The following ANK3 variants were observed in gnomAD, a reference collection of about 807,000 sequenced individuals.
ANK3 encodes the protein ankyrin 3, also known as ankyrin-3.
ANK3 carries 57 observed loss-of-function variants against 370.9 expected under a neutral mutation model. The ratio of observed to expected loss-of-function variants is 0.15; its 90% CI spans 0.12 to 0.19. The LOEUF is 0.19. Among genes scored for constraint, ANK3 ranks in the 10% least tolerant of loss-of-function variants. ANK3 has a pLI of 1.00. For missense variants in ANK3, 4,439 were observed against 5,302.1 expected (o/e 0.84, Z 5.06); for synonymous variants, 1,929 against 1,946.3 (o/e 0.99, Z 0.23).
intron 1 of ANK3, among the ~76,000 whole-genome samples, chr10:60,385,210 T>C (rs2062086502): frequency 1.3e-5 from 2 of 152,060 alleles, no homozygotes; most frequent in Admixed American, 6.6e-5. Flanking sequence ...TCCCCTTTGC[T>C]CCAGGAATTC....
chr10:60,372,505 T>C (rs2060236135), intron 1 of ANK3, among the ~76,000 whole-genome samples: 1 of 152,168 alleles, frequency 6.6e-6, no homozygotes, highest in African/African-American at 2.4e-5. Context: ...AGCTGGCATA[T>C]GGGTGGCCAT....
rs571054940 is a variant in ANK3, at chr10:60,211,438, T to C, written c.996+1974A>G. Among the ~76,000 whole-genome samples the C allele has an allele frequency of 1.4e-4, 21 of 152,188 alleles. No homozygotes were observed. In the East Asian group the frequency reaches 3.9e-3, roughly 28 times the overall value. On this transcript the variant is annotated intron_variant, in intron 9 of 43. Coordinates refer to ENST00000280772, the MANE Select transcript of ANK3 (RefSeq NM_020987.5). The stretch of plus-strand genomic sequence containing the variant: ...GTTCAAATCCTTGTTCTGCCACTAA[T>C]TGGGATATTTTGAGAAAGCTACTTT...
intron 23 of ANK3, chr10:60,139,945 G>C (rs948365379): frequency 1.5e-4 from 29 of 193,178 alleles, no homozygotes; most frequent in Non-Finnish European, 2.2e-4. Flanking sequence ...GGTAGCACAG[G>C]CTGCAGAAAA....
intron 1 of ANK3, among the ~76,000 whole-genome samples, chr10:60,290,468 CAGAAG>C (rs1198173831): frequency 6.6e-6 from 1 of 151,952 alleles, no homozygotes; most frequent in African/African-American, 2.4e-5. Context: ...ATAAATCAGC[CAGAAG>C]AGGAGTAGAG....
At chr10:60,252,519 T>C (rs2097684115) in intron 7 of ANK3, among the ~76,000 whole-genome samples, 1 of 152,146 alleles carries the variant, frequency 6.6e-6, no homozygotes, top group Non-Finnish European at 1.5e-5. Flanking sequence ...AATTTCAAAA[T>C]AGGATTTTTT....
chr10:60,221,003 A>T (rs905191110), intron 8 of ANK3, among the ~76,000 whole-genome samples: 1 of 152,122 alleles, frequency 6.6e-6, no homozygotes, highest in African/African-American at 2.4e-5. Flanking sequence ...CTAAGAGCAA[A>T]ATCTATCTCA....
At chr10:60,194,773 G>C (rs1464518054) in intron 16 of ANK3, among the ~76,000 whole-genome samples, 1 of 152,094 alleles carries the variant, frequency 6.6e-6, no homozygotes, top group Non-Finnish European at 1.5e-5. Flanking sequence ...TGTTTGTCAG[G>C]GTCAGAAACT....
intron 2 of ANK3, among the ~76,000 whole-genome samples, chr10:60,500,903 T>C (rs1400498761): frequency 6.6e-6 from 1 of 152,228 alleles, no homozygotes; most frequent in East Asian, 1.9e-4. Context: ...TTGATTGTGG[T>C]AATTATATCC....
rs192953138 is a variant in ANK3 at position 60,052,808 on chromosome 10, G to A, written c.13065+2850C>T. ...CAGAGACAGAATTTAGTTAACATCC[G>A]CTGGAAAAATGAATTCCAGTATTTG... On this transcript the variant is annotated intron_variant, in intron 42 of 43. Coordinates refer to ENST00000280772, the MANE Select transcript of ANK3 (RefSeq NM_020987.5). Among the ~76,000 whole-genome samples the A allele has an allele frequency of 9.9e-5, 15 of 151,180 alleles. No individual in the cohort carries two copies. The East Asian group carries it at 2.8e-3, about 28-fold the overall frequency.
intron 25 of ANK3, among the ~76,000 whole-genome samples, chr10:60,119,084 A>G (rs2093306512): frequency 6.6e-6 from 1 of 152,236 alleles, no homozygotes; most frequent in South Asian, 2.1e-4. Flanking sequence ...TGTCCCAGAT[A>G]GTAACACTTA....
chr10:60,656,670 G>C (rs1382317553), intron 1 of ANK3, among the ~76,000 whole-genome samples: 1 of 152,018 alleles, frequency 6.6e-6, no homozygotes, highest in Non-Finnish European at 1.5e-5. Context: ...TTTTCTGTAA[G>C]CACTGCTTCA....
chr10:60,219,760 C>T (rs1463583860), intron 8 of ANK3, among the ~76,000 whole-genome samples: 3 of 152,108 alleles, frequency 2.0e-5, no homozygotes, highest in African/African-American at 4.8e-5. Flanking sequence ...TGATTCAATA[C>T]GTTCATGTAA....
intron 1 of ANK3, among the ~76,000 whole-genome samples, chr10:60,358,764 C>A (rs2058168544): frequency 6.6e-6 from 1 of 152,182 alleles, no homozygotes; most frequent in South Asian, 2.1e-4. Flanking sequence ...CACTGGCCAC[C>A]TTTCTGAGCC....
In ANK3 at chr10:60,637,986, G is replaced by C. The variant is rs113807489; in HGVS notation, c.58-22762C>G. Among the ~76,000 whole-genome samples the C allele has an allele frequency of 4.2e-3, 646 of 152,256 alleles. 1 individual carries two copies. Among genetic ancestry groups the C allele is most frequent in the African/African-American group, 0.015 (607 of 41,560 alleles). On this transcript the variant is annotated intron_variant, in intron 1 of 43. Transcript: ENST00000373827. ...CAATAGGTTGGCCCCAACTTTCTGAGAGCCAGTTTCAAGCCACAGTGCTGG... is the reference window on the plus strand; with the variant it reads ...CAATAGGTTGGCCCCAACTTTCTGACAGCCAGTTTCAAGCCACAGTGCTGG...
At chr10:60,425,405 T>C (rs2063864268) in intron 2 of ANK3, among the ~76,000 whole-genome samples, 1 of 152,172 alleles carries the variant, frequency 6.6e-6, no homozygotes, top group Non-Finnish European at 1.5e-5. Flanking sequence ...GTAGTGATTC[T>C]GTTTCCCTTT....
At chr10:60,216,994 G>A (rs1185711592) in intron 8 of ANK3, among the ~76,000 whole-genome samples, 1 of 152,126 alleles carries the variant, frequency 6.6e-6, no homozygotes, top group African/African-American at 2.4e-5. Flanking sequence ...TTAATCTTGT[G>A]AGGGTATACG....
In ANK3 at chr10:60,075,903, A is replaced by G. The variant is rs1362845813; in HGVS notation, c.4978T>C (p.Phe1660Leu). ...GCTGCTGATGTAATAATTGACTTAA[A>G]TGGCAAACTTGAGGAATACATATTA... is the stretch of plus-strand genomic sequence containing the variant. ...NINMYSSSLP[F>L]KSIITSAAPL... The change falls in exon 37 of 44, where the codon TTT (phenylalanine) becomes CTT (leucine). Residue 1660 changes from phenylalanine to leucine, a missense_variant. Phe to Leu is a conservative substitution (Grantham distance 22). This residue lies in a region of ANK3 where 679 missense variants were observed against 791.0 expected (regional missense o/e 0.86). Transcript: ENST00000280772. 6.2e-7 allele frequency: 1 copy of G among 1,614,140 alleles called. No individual in the cohort carries two copies. Among genetic ancestry groups the G allele is most frequent in the Non-Finnish European group, 8.5e-7 (1 of 1,179,998 alleles).
rs770829659 is a variant in ANK3, at chr10:60,076,411, G to C, written c.4470C>G (p.Thr1490=). The change falls in exon 37 of 44, where the codon ACC becomes ACG. Residue 1490 remains threonine, a synonymous_variant. Transcript: ENST00000280772. ...AAAAGAATGGCTTGTATGAGTAAGTGGTGGGGAGGGATCTTGTTGCTCCTG... is the reference window on the plus strand; with the variant it reads ...AAAAGAATGGCTTGTATGAGTAAGTCGTGGGGAGGGATCTTGTTGCTCCTG... The part of the protein sequence containing the change: ...RSTGATRSLP[T]TYSYKPFFST... 5.6e-6 allele frequency: 9 copies of C among 1,612,508 alleles called. No individual in the cohort carries two copies. In the South Asian group the frequency reaches 7.7e-5, roughly 14 times the overall value.
chr10:60,245,291 TTTA>T (rs1366870441), intron 7 of ANK3, among the ~76,000 whole-genome samples: 9 of 152,248 alleles, frequency 5.9e-5, no homozygotes, highest in Admixed American at 4.6e-4. Context: ...TCTGTAAGTT[TTTA>T]TTATCTTCCA....
Sources: gnomAD v4.1 joint callset for allele counts (sites outside exome capture counted in the v4.1 genomes callset) on GRCh38, gnomAD v4.1.1 for gene constraint, gnomAD v4.1.1 regional missense constraint, MANE v1.5 for transcripts, NCBI Gene and HGNC (gene_info 2026-07-23, HGNC 2026-07-21) for gene names.